Variants in HMG20B observed in about 807,000 individuals in gnomAD.
The protein encoded by HMG20B is SWI/SNF-related matrix-associated actin-dependent regulator of chromatin subfamily E member 1-related.
In HMG20B, 24 loss-of-function variants were observed where a neutral mutation model predicts 41.6. That is an observed-to-expected ratio of 0.58 (90% confidence interval 0.42 to 0.81). The LOEUF is 0.81. Ranked by LOEUF, HMG20B falls within the 30% of genes least tolerant of loss-of-function variation. The probability of loss-of-function intolerance (pLI) is 0.00; values close to 1 mark genes in which losing one functional copy is unlikely to be tolerated. For missense variants in HMG20B, 461 were observed against 444.0 expected (o/e 1.04, Z -0.34); for synonymous variants, 251 against 186.6 (o/e 1.34, Z -2.81).
chr19:3,579,060 AAAC>A lies in HMG20B; in HGVS notation c.*542_*544del, dbSNP rs1464042552. ...TGCTGGATCCGGACTTTTTAAATAA[AAAC>A]AAGTAAAATTTGTGTTTTAAGCTTG... On this transcript the variant is annotated 3_prime_UTR_variant, in exon 10 of 10. Coordinates refer to ENST00000333651, the MANE Select transcript of HMG20B (RefSeq NM_006339.3). This position sits in a 1 kb window ranked among gnomAD's most constrained non-coding sequence, Gnocchi z 7.4. 1.2e-5 allele frequency: 4 copies of A among 335,796 alleles called. No homozygotes were observed. In the Admixed American group the frequency reaches 1.3e-4, roughly 11 times the overall value. The allele number at this position is 335,796 out of a possible 1,614,324, so 20.8% of individuals were successfully genotyped here.
intron 6 of HMG20B, 118 bp downstream of exon 6, chr19:3,576,425 C>T (rs2032163924): frequency 7.5e-7 from 1 of 1,337,238 alleles, no homozygotes; most frequent in African/African-American, 1.4e-5. Flanking sequence ...TGCCACTGCA[C>T]CGTGGGATCG....
rs948931538 is a variant in HMG20B at position 3,574,605 on chromosome 19, C to T, written c.351+19C>T. On this transcript the variant is annotated intron_variant, in intron 4 of 9. Transcript: ENST00000333651. The stretch of plus-strand genomic sequence containing the variant: ...AAAGCAGGTGGGCGGGGCGGGGCGC[C>T]GAGCAGGGCTGGCGGGGTCCACGGA... The T allele has an allele frequency of 3.2e-6, 5 of 1,572,070 alleles. No individual in the cohort carries two copies. In the African/African-American group the frequency reaches 4.0e-5, roughly 13 times the overall value.
chr19:3,574,140 C>G, intron 3 of HMG20B: 1 of 618,818 alleles, frequency 1.6e-6, no homozygotes, highest in Non-Finnish European at 2.9e-6. Context: ...GAAGTCAACG[C>G]CAACCCTGTA....
At position 3,576,255 on chromosome 19, in the gene HMG20B, C is replaced by G; in HGVS notation, c.473-6C>G. The stretch of plus-strand genomic sequence containing the variant: ...GGCTGACCCTGCCCTTCCCCTCCCC[C>G]GCCAGAAGACTCGAGCTCTGGGCTC... On this transcript the variant is annotated splice_region_variant and splice_polypyrimidine_tract_variant and intron_variant, in intron 5 of 9. Coordinates refer to ENST00000333651, the MANE Select transcript of HMG20B (RefSeq NM_006339.3). 1.2e-6 allele frequency: 2 copies of G among 1,613,698 alleles called. No homozygotes were observed. Among genetic ancestry groups the G allele is most frequent in the African/African-American group, 1.3e-5 (1 of 75,042 alleles).
At chr19:3,577,902 C>T in intron 8 of HMG20B, 79 bp from the exon 9 acceptor site, 1 of 1,349,818 alleles carries the variant, frequency 7.4e-7, no homozygotes, top group Non-Finnish European at 1.0e-6. Context: ...CGCCCTGAGT[C>T]ACCCCCTACC....
chr19:3,575,782 A>G (rs1482234246), intron 5 of HMG20B, 122 bp downstream of exon 5: 2 of 766,450 alleles, frequency 2.6e-6, no homozygotes, highest in Admixed American at 5.6e-5. Context: ...CCCCTCTACT[A>G]AAAATACAAA....
chr19:3,577,158 C>T (rs1416341815), intron 8 of HMG20B, 51 bp downstream of exon 8: 8 of 1,230,094 alleles, frequency 6.5e-6, no homozygotes, highest in East Asian at 2.8e-5. Context: ...CGGCCCCGCC[C>T]GCCTCCCCCC....
intron 6 of HMG20B, 102 bp downstream of exon 6, chr19:3,576,409 G>T: frequency 2.2e-6 from 3 of 1,368,608 alleles, no homozygotes; most frequent in Non-Finnish European, 2.1e-6. Context: ...GTGCAAGCAG[G>T]GGCGGTGCCA....
In HMG20B at chr19:3,575,371, C is replaced by G. The variant is rs1331677912; in HGVS notation, c.352-169C>G. On this transcript the variant is annotated intron_variant, in intron 4 of 9. Coordinates refer to ENST00000333651, the MANE Select transcript of HMG20B (RefSeq NM_006339.3). ...GGGCATGGGAAGTGAGGTGGGAGCT[C>G]GGAGGTCCCTGAGCAACAGGCTGAG... 2.6e-6 allele frequency: 3 copies of G among 1,173,038 alleles called. No individual in the cohort carries two copies. The African/African-American group carries it at 4.7e-5, about 18-fold the overall frequency. The allele number at this position is 1,173,038 out of a possible 1,614,324, so 72.7% of individuals were successfully genotyped here. A position where few individuals can be genotyped will look rare whatever the true frequency, so the allele number is the denominator to read the frequency against.
intron 2 of HMG20B, 151 bp downstream of exon 2, chr19:3,573,498 C>T: frequency 5.3e-6 from 5 of 946,352 alleles, no homozygotes; most frequent in Middle Eastern, 2.2e-4. Flanking sequence ...GCACCCCCCA[C>T]CTCGGCCTCC....
In HMG20B at chr19:3,578,105, G is replaced by A. The variant is rs932711211; in HGVS notation, c.933G>A (p.Gln311=). Reference sequence around the variant, plus strand: ...TCCGCATCAAGGAAATCCTGGCCCAGGTCGCCAGGTGTGTGCCGGGCGAGG... The same window carrying A: ...TCCGCATCAAGGAAATCCTGGCCCAAGTCGCCAGGTGTGTGCCGGGCGAGG... ...LIVRIKEILA[Q]VASEHL The change falls in exon 9 of 10, where the codon CAG becomes CAA. Residue 311 remains glutamine, a synonymous_variant. Coordinates refer to ENST00000333651, the MANE Select transcript of HMG20B (RefSeq NM_006339.3). 3.1e-6 allele frequency: 5 copies of A among 1,611,038 alleles called. No homozygotes were observed. Among genetic ancestry groups the A allele is most frequent in the Non-Finnish European group, 3.4e-6 (4 of 1,179,338 alleles).
In HMG20B at chr19:3,578,605, C is replaced by T. The variant is rs1321140938; in HGVS notation, c.*84C>T. 1.3e-6 allele frequency: 2 copies of T among 1,522,318 alleles called. No individual in the cohort carries two copies. Among genetic ancestry groups the T allele is most frequent in the Admixed American group, 2.0e-5 (1 of 50,916 alleles). 94.3% of individuals were successfully genotyped at this position (1,522,318 alleles called of 1,614,324 possible). A position where few individuals can be genotyped will look rare whatever the true frequency, so the allele number is the denominator to read the frequency against. On this transcript the variant is annotated 3_prime_UTR_variant, in exon 10 of 10. Coordinates refer to ENST00000333651, the MANE Select transcript of HMG20B (RefSeq NM_006339.3). ...ACCCCGTGGACGAGAGGCTGGGGGT[C>T]CACCCTTTGGGGCCTGGTCCCATCC...
intron 1 of HMG20B, 127 bp from the exon 2 acceptor site, chr19:3,573,165 C>T (rs1410815419): frequency 2.8e-6 from 2 of 710,720 alleles, no homozygotes; most frequent in Non-Finnish European, 4.3e-6. Context: ...TTCCCTGCCC[C>T]TGGATCCGGC....
At chr19:3,573,958 C>T (rs1340772279) in intron 3 of HMG20B, 158 bp downstream of exon 3, 1 of 747,032 alleles carries the variant, frequency 1.3e-6, no homozygotes, top group South Asian at 1.5e-5. Context: ...ACGCCCCTGA[C>T]AGGTCCTCTG....
At chr19:3,578,366 G>C in intron 9 of HMG20B, 143 bp from the exon 10 acceptor site, 2 of 1,281,820 alleles carry the variant, frequency 1.6e-6, no homozygotes, top group Non-Finnish European at 2.1e-6. Flanking sequence ...CCAGCGCCCG[G>C]GTTAGATAGG....
At chr19:3,578,178 C>A in intron 9 of HMG20B, 65 bp downstream of exon 9, 1 of 1,574,886 alleles carries the variant, frequency 6.3e-7, no homozygotes, top group Non-Finnish European at 8.6e-7. Flanking sequence ...CCCTGGGGTT[C>A]CCCAGGTCCG....
At chr19:3,575,965 A>G (rs1599855573) in intron 5 of HMG20B, 1 of 519,328 alleles carries the variant, frequency 1.9e-6, no homozygotes, top group Non-Finnish European at 3.4e-6. Flanking sequence ...AAAAAGAAAA[A>G]GAAAAATGAA....
Position 3,578,617 on chromosome 19 carries a change from G to A in HMG20B, c.*96G>A, listed in dbSNP as rs898970447. 1 of 1,478,150 alleles carries A rather than the reference G, an allele frequency of 6.8e-7. No individual in the cohort carries two copies. Among genetic ancestry groups the A allele is most frequent in the Non-Finnish European group, 9.2e-7 (1 of 1,081,452 alleles). 91.6% of individuals were successfully genotyped at this position (1,478,150 alleles called of 1,614,324 possible). ...AGAGGCTGGGGGTCCACCCTTTGGG[G>A]CCTGGTCCCATCCTGCACCTTGGGG... is the stretch of plus-strand genomic sequence containing the variant. On this transcript the variant is annotated 3_prime_UTR_variant, in exon 10 of 10. Coordinates refer to ENST00000333651, the MANE Select transcript of HMG20B (RefSeq NM_006339.3).
Position 3,578,649 on chromosome 19 carries a change from G to T in HMG20B, c.*128G>T. 8.1e-7 allele frequency: 1 copy of T among 1,233,872 alleles called. No individual in the cohort carries two copies. The highest frequency in any genetic ancestry group is 1.2e-6 in the Non-Finnish European group (1 of 858,974). The allele number at this position is 1,233,872 out of a possible 1,614,324, so 76.4% of individuals were successfully genotyped here. ...CCCATCCTGCACCTTGGGGGCTCCA[G>T]CCCCCCTAAAATTAAATTTCTGCAG... On this transcript the variant is annotated 3_prime_UTR_variant, in exon 10 of 10. Transcript: ENST00000333651.
Sources: allele counts gnomAD v4.1 joint callset, GRCh38; gene constraint gnomAD v4.1.1; non-coding constraint Gnocchi (gnomAD v3.1); transcripts MANE v1.5; gene names NCBI Gene and HGNC (gene_info 2026-07-23, HGNC 2026-07-21).